The following ZNF626 variants were observed in gnomAD, a reference collection of about 807,000 sequenced individuals.
ZNF626 encodes the protein zinc finger protein 626.
ZNF626 carries 4 observed loss-of-function variants against 11.7 expected under a neutral mutation model. The observed-to-expected ratio is 0.34, with a 90% CI of 0.17 to 0.78. ZNF626 has a LOEUF of 0.78. Among genes scored for constraint, ZNF626 ranks in the 30% least tolerant of loss-of-function variants. The pLI, the probability that ZNF626 is intolerant of heterozygous loss-of-function variation, is 0.57. For missense variants in ZNF626, 588 were observed against 587.1 expected, an observed-to-expected ratio of 1.00 and a Z score of -0.01; for synonymous variants, 179 against 198.6, an observed-to-expected ratio of 0.90 and a Z score of 0.83.
intron 3 of ZNF626, among the ~76,000 whole-genome samples, chr19:20,632,247 G>C (rs1366682101): frequency 2.6e-5 from 4 of 152,126 alleles, no homozygotes; most frequent in Non-Finnish European, 4.4e-5. Context: ...CAACTTTGGT[G>C]AATCTGACAA....
chr19:20,642,079 T>C (rs1970030070), intron 3 of ZNF626, among the ~76,000 whole-genome samples: 1 of 152,122 alleles, frequency 6.6e-6, no homozygotes, highest in South Asian at 2.1e-4. Context: ...TTAGACAAGA[T>C]AAAACTACCA....
intron 3 of ZNF626, among the ~76,000 whole-genome samples, chr19:20,626,851 C>T (rs1555769814): frequency 1.3e-5 from 2 of 151,986 alleles, no homozygotes; most frequent in African/African-American, 4.8e-5. Context: ...CCCATCTCTG[C>T]TAAAAATACA....
intron 3 of ZNF626, among the ~76,000 whole-genome samples, chr19:20,644,520 T>C: frequency 6.6e-6 from 1 of 152,102 alleles, no homozygotes; most frequent in Non-Finnish European, 1.5e-5. Context: ...AAGGGCCCAA[T>C]AAAAGAAAAT....
At chr19:20,640,779 T>C (rs11879682) in intron 3 of ZNF626, among the ~76,000 whole-genome samples, 21,834 of 151,874 alleles carry the variant, frequency 0.14, 1,705 homozygotes, top group Middle Eastern at 0.19. Flanking sequence ...AAGTTGAATG[T>C]TGGTGGATAA....
intron 3 of ZNF626, among the ~76,000 whole-genome samples, chr19:20,629,284 T>C (rs529568606): frequency 1.3e-5 from 2 of 152,302 alleles, no homozygotes; most frequent in South Asian, 4.1e-4. Flanking sequence ...TGGTTTCATA[T>C]GAACTTTAAA....
chr19:20,630,720 C>T (rs574546077), intron 3 of ZNF626, among the ~76,000 whole-genome samples: 12 of 148,060 alleles, frequency 8.1e-5, no homozygotes, highest in African/African-American at 2.6e-4. Context: ...TTGATCTTTT[C>T]GAAAAACCAG....
At chr19:20,661,420 G>A in intron 1 of ZNF626, 24 bp downstream of exon 1, 2 of 1,613,754 alleles carry the variant, frequency 1.2e-6, no homozygotes, top group Non-Finnish European at 1.7e-6. Flanking sequence ...CTCCTCTCTC[G>A]GGATGTCGGA....
At chr19:20,625,748 G>C in intron 3 of ZNF626, 98 bp from the exon 4 acceptor site, 1 of 1,234,694 alleles carries the variant, frequency 8.1e-7, no homozygotes, top group Non-Finnish European at 1.1e-6. Flanking sequence ...AACTACATAA[G>C]CAAGATGACA....
chr19:20,657,678 G>A (rs782768595), intron 1 of ZNF626, among the ~76,000 whole-genome samples: 33 of 151,976 alleles, frequency 2.2e-4, no homozygotes, highest in Admixed American at 1.2e-3. Context: ...GGTGGCATGC[G>A]ACTCTAATCC....
intron 3 of ZNF626, among the ~76,000 whole-genome samples, chr19:20,626,580 T>G (rs1555769765): frequency 6.6e-6 from 1 of 151,662 alleles, no homozygotes; most frequent in Non-Finnish European, 1.5e-5. Context: ...TAGCTGGGCA[T>G]GGTGGCATGT....
intron 3 of ZNF626, among the ~76,000 whole-genome samples, chr19:20,635,481 C>A (rs1555770830): frequency 6.6e-6 from 1 of 152,094 alleles, no homozygotes; most frequent in African/African-American, 2.4e-5. Context: ...CACCACCACG[C>A]CTGGCTAATT....
At chr19:20,627,125 AAC>A (rs1391467835) in intron 3 of ZNF626, among the ~76,000 whole-genome samples, 15 of 132,290 alleles carry the variant, frequency 1.1e-4, no homozygotes, top group African/African-American at 5.8e-4. Flanking sequence ...ATAGCAAAAA[AAC>A]AAAAATTGTG....
chr19:20,633,503 G>A (rs1311985795), intron 3 of ZNF626, among the ~76,000 whole-genome samples: 2 of 151,434 alleles, frequency 1.3e-5, no homozygotes, highest in Non-Finnish European at 3.0e-5. Context: ...GGCGCCCCTC[G>A]CCCAGCCTCG....
chr19:20,621,305 TTAG>T lies in ZNF626; in HGVS notation c.*2982_*2984del, dbSNP rs1224177151. On this transcript the variant is annotated 3_prime_UTR_variant, in exon 4 of 4. Coordinates refer to ENST00000601440, the MANE Select transcript of ZNF626 (RefSeq NM_001076675.3). ...CCATGCCCAACTAATTTTTGTTGTT[TTAG>T]TAGAGAGTTTCACAATGTTGGTCAG... The T allele has an allele frequency of 6.6e-6, 1 of 152,218 alleles. No homozygotes were observed. Among genetic ancestry groups the T allele is most frequent in the Admixed American group, 6.5e-5 (1 of 15,302 alleles). 9.4% of individuals were successfully genotyped at this position (152,218 alleles called of 1,614,324 possible).
chr19:20,623,361 T>A lies in ZNF626; in HGVS notation c.*929A>T, dbSNP rs1969779148. The A allele has an allele frequency of 2.0e-5, 3 of 152,210 alleles. No homozygotes were observed. The highest frequency in any genetic ancestry group is 1.5e-5 in the Non-Finnish European group (1 of 68,030). The allele number at this position is 152,210 out of a possible 1,614,324, so 9.4% of individuals were successfully genotyped here. ...ATGTGGCAACCATATAAAGGCTGTT[T>A]CACATTTTATATATTTCTAGGGTTT... On this transcript the variant is annotated 3_prime_UTR_variant, in exon 4 of 4. Transcript: ENST00000601440.
intron 3 of ZNF626, among the ~76,000 whole-genome samples, chr19:20,637,037 A>AAAAAC (rs1969973849): frequency 2.0e-5 from 3 of 150,426 alleles, no homozygotes; most frequent in South Asian, 2.2e-4. Context: ...AAAAAAAAAA[A>AAAAAC]AGGCCCAGTG....
intron 3 of ZNF626, among the ~76,000 whole-genome samples, chr19:20,643,164 AACTT>A (rs1458411299): frequency 2.0e-5 from 3 of 152,202 alleles, no homozygotes; most frequent in East Asian, 3.8e-4. Context: ...TCTAATGAGA[AACTT>A]AATAAATTAG....
At chr19:20,636,863 G>A (rs1181779477) in intron 3 of ZNF626, among the ~76,000 whole-genome samples, 1 of 151,780 alleles carries the variant, frequency 6.6e-6, no homozygotes, top group African/African-American at 2.4e-5. Flanking sequence ...TGTACTAAAA[G>A]TGCAAAAATT....
chr19:20,628,370 G>T (rs1969864643), intron 3 of ZNF626, among the ~76,000 whole-genome samples: 1 of 152,184 alleles, frequency 6.6e-6, no homozygotes, highest in African/African-American at 2.4e-5. Context: ...CTTCCACAAT[G>T]GTTGAACTAG....
Sources: allele counts gnomAD v4.1 joint callset (sites outside exome capture counted in the v4.1 genomes callset), GRCh38; gene constraint gnomAD v4.1.1; transcripts MANE v1.5; gene names NCBI Gene and HGNC (gene_info 2026-07-23, HGNC 2026-07-21).